N4BP2: variants seen among roughly 807,000 people sequenced by gnomAD.
N4BP2 encodes the protein NEDD4-binding protein 2.
Under a neutral mutation model 152.8 loss-of-function variants are expected in N4BP2, and 91 were observed. The ratio of observed to expected loss-of-function variants is 0.60; its 90% CI spans 0.50 to 0.71. N4BP2 has a LOEUF of 0.71. Ranked by LOEUF, N4BP2 falls within the 30% of genes least tolerant of loss-of-function variation. The probability of loss-of-function intolerance (pLI) is 0.00; values close to 1 mark genes in which losing one functional copy is unlikely to be tolerated. For synonymous variants in N4BP2, 646 were observed against 705.3 expected (o/e 0.92, Z 1.33); for missense variants, 1,923 against 2,059.1 (o/e 0.93, Z 1.28).
Position 40,120,785 on chromosome 4 carries a change from G to A in N4BP2, c.2674G>A (p.Ala892Thr). The change falls in exon 9 of 18, where the codon GCT becomes ACT. Residue 892 changes from alanine to threonine, a missense_variant. Physicochemically the swap from Ala to Thr is moderately conservative, Grantham distance 58. Coordinates refer to ENST00000261435, the MANE Select transcript of N4BP2 (RefSeq NM_018177.6). Reference sequence around the variant, plus strand: ...TGACTGGCCTTCATCTGATTCTTTAGCTCAGAGGGAACACAGATCAAGAAT... The same window carrying A: ...TGACTGGCCTTCATCTGATTCTTTAACTCAGAGGGAACACAGATCAAGAAT... ...MGDWPSSDSL[A>T]QREHRSRMPK... The A allele has an allele frequency of 1.2e-6, 2 of 1,614,172 alleles. No homozygotes were observed. The highest frequency in any genetic ancestry group is 1.7e-6 in the Non-Finnish European group (2 of 1,180,014).
At chr4:40,188,391 A>C in the N4BP2 span, among the ~76,000 whole-genome samples, 1 of 152,184 alleles carries the variant, frequency 6.6e-6, no homozygotes, top group Non-Finnish European at 1.5e-5. Context: ...TTGCAAATGG[A>C]GATAACAGTG....
intron 2 of N4BP2, among the ~76,000 whole-genome samples, chr4:40,086,941 G>T (rs1714028619): frequency 2.0e-5 from 3 of 151,850 alleles, no homozygotes; most frequent in Admixed American, 1.3e-4. Context: ...AGAGATGGGG[G>T]TCTCACTATG....
At chr4:40,141,223 C>T (rs1719908473) in intron 14 of N4BP2, among the ~76,000 whole-genome samples, 3 of 75,658 alleles carry the variant, frequency 4.0e-5, no homozygotes, top group South Asian at 1.5e-3. Flanking sequence ...GGGGGGCTGA[C>T]CCCCCCACCT....
In N4BP2 at chr4:40,154,597, A is replaced by G. The variant is rs1035260451; in HGVS notation, c.*360A>G. Reference sequence around the variant, plus strand: ...GTCCTAAAAGTCTTTTGTGAGAGGTATTTAAAGTGCTTTGAGACCTGATTC... The same window carrying G: ...GTCCTAAAAGTCTTTTGTGAGAGGTGTTTAAAGTGCTTTGAGACCTGATTC... On this transcript the variant is annotated 3_prime_UTR_variant, in exon 18 of 18. Transcript: ENST00000261435. 4.8e-5 allele frequency: 9 copies of G among 187,552 alleles called. No individual in the cohort carries two copies. The highest frequency in any genetic ancestry group is 8.7e-5 in the Non-Finnish European group (8 of 92,362). The allele number at this position is 187,552 out of a possible 1,614,324, so 11.6% of individuals were successfully genotyped here.
At chr4:40,147,412 T>C (rs1720651337) in intron 16 of N4BP2, among the ~76,000 whole-genome samples, 1 of 152,288 alleles carries the variant, frequency 6.6e-6, no homozygotes, top group Middle Eastern at 3.4e-3. Flanking sequence ...TGGCACGTTC[T>C]CAATGAGCTG....
chr4:40,134,955 T>TA, intron 13 of N4BP2, among the ~76,000 whole-genome samples: 1 of 150,360 alleles, frequency 6.7e-6, no homozygotes, highest in Admixed American at 6.6e-5. Context: ...TATTTTATTT[T>TA]TTATTATTAT....
At chr4:40,175,338 G>T in the N4BP2 span, among the ~76,000 whole-genome samples, 7 of 103,760 alleles carry the variant, frequency 6.7e-5, no homozygotes, top group South Asian at 3.1e-4. Context: ...GTGAAATATA[G>T]AAAAAAAAAA....
At chr4:40,172,408 A>G in the N4BP2 span, among the ~76,000 whole-genome samples, 1 of 152,206 alleles carries the variant, frequency 6.6e-6, no homozygotes, top group Non-Finnish European at 1.5e-5. Context: ...CCTTCAATCC[A>G]GTCAAGTTGA....
intron 2 of N4BP2, chr4:40,077,918 A>T (rs1022893488): frequency 6.6e-6 from 1 of 152,184 alleles, no homozygotes; most frequent in African/African-American, 2.4e-5. Flanking sequence ...AATGATACAG[A>T]GAAGATGAGC....
At position 40,137,021 on chromosome 4, in the gene N4BP2, AG is replaced by A. The variant is rs778278406; in HGVS notation, c.4725del (p.Glu1575AspfsTer25). 2 of 1,613,884 alleles carry A rather than the reference AG, an allele frequency of 1.2e-6. No individual in the cohort carries two copies. Among genetic ancestry groups the A allele is most frequent in the Admixed American group, 1.7e-5 (1 of 60,020 alleles). On this transcript the variant is annotated frameshift_variant, in exon 14 of 18. Transcript: ENST00000261435. LOFTEE classifies it high-confidence loss of function. The part of the protein sequence containing the change: ...GDPVKTVVAQ[E>X]FVHQNENVTS... ...CCTGTAAAAACAGTTGTAGCCCAAG[AG>A]TTTGTTCACCAAAATGAGAATGTCA... is the stretch of plus-strand genomic sequence containing the variant.
chr4:40,126,522 TACTC>T (rs1400521287), intron 12 of N4BP2, among the ~76,000 whole-genome samples, 192 bp downstream of exon 12: 1 of 152,234 alleles, frequency 6.6e-6, no homozygotes, highest in East Asian at 1.9e-4. Flanking sequence ...AATTAGTTAA[TACTC>T]AACTATAAGC....
intron 15 of N4BP2, among the ~76,000 whole-genome samples, chr4:40,143,865 A>G (rs1714387): frequency 0.096 from 14,623 of 152,212 alleles, 705 homozygotes; most frequent in East Asian, 0.13. Context: ...CCAGTAGGAT[A>G]TATGAAAGAT....
chr4:40,185,399 TTA>T, the N4BP2 span, among the ~76,000 whole-genome samples: 18 of 152,206 alleles, frequency 1.2e-4, no homozygotes, highest in Non-Finnish European at 2.6e-4. Context: ...AAATTTAAAG[TTA>T]AAAGAAAACT....
chr4:40,063,056 T>G (rs1329869558), intron 1 of N4BP2, among the ~76,000 whole-genome samples: 1 of 152,162 alleles, frequency 6.6e-6, no homozygotes, highest in Non-Finnish European at 1.5e-5. Context: ...GAAAGGGACA[T>G]TATATTTGAT....
chr4:40,090,086 C>T (rs971078971), intron 2 of N4BP2, among the ~76,000 whole-genome samples: 4 of 152,122 alleles, frequency 2.6e-5, no homozygotes, highest in Non-Finnish European at 5.9e-5. Flanking sequence ...GTCAGGCACA[C>T]TTATGTTGCT....
At chr4:40,140,378 T>C (rs1719806711) in intron 14 of N4BP2, among the ~76,000 whole-genome samples, 2 of 152,154 alleles carry the variant, frequency 1.3e-5, no homozygotes, top group Non-Finnish European at 2.9e-5. Context: ...TGGGCCAAAT[T>C]GGCAATGAAG....
In N4BP2 at chr4:40,119,953, T is replaced by C. The variant is rs753466292; in HGVS notation, c.1842T>C (p.Ile614=). ...ACAGCCCAAGAGACGATGAAGATAT[T>C]ATCTCTGAAAAAGAAGAAAATATTT... is the stretch of plus-strand genomic sequence containing the variant. ...RSTSPRDDED[I]ISEKEENILS... Residue 614 remains isoleucine, a synonymous_variant, in exon 9 of 18, where the codon ATT becomes ATC. Coordinates refer to ENST00000261435, the MANE Select transcript of N4BP2 (RefSeq NM_018177.6). 33 of 1,457,198 alleles carry C rather than the reference T, an allele frequency of 2.3e-5. No individual in the cohort carries two copies. The highest frequency in any genetic ancestry group is 2.0e-5 in the Non-Finnish European group (21 of 1,068,658). 90.3% of individuals were successfully genotyped at this position (1,457,198 alleles called of 1,614,324 possible).
At chr4:40,078,626 A>G (rs575346481) in intron 2 of N4BP2, among the ~76,000 whole-genome samples, 58 of 151,574 alleles carry the variant, frequency 3.8e-4, no homozygotes, top group Non-Finnish European at 6.9e-4. Flanking sequence ...CCTTGGCTCA[A>G]CTGATCCTCT....
At chr4:40,122,481 C>G (rs778489795) in intron 9 of N4BP2, among the ~76,000 whole-genome samples, 172 bp downstream of exon 9, 4 of 152,046 alleles carry the variant, frequency 2.6e-5, no homozygotes, top group Non-Finnish European at 5.9e-5. Context: ...TCAAGTGATT[C>G]TCCTGCCTCA....
Sources: gnomAD v4.1 joint callset for allele counts (sites outside exome capture counted in the v4.1 genomes callset) on GRCh38, gnomAD v4.1.1 for gene constraint, MANE v1.5 for transcripts, NCBI Gene and HGNC (gene_info 2026-07-23, HGNC 2026-07-21) for gene names.